EIF2AK1: variants seen among roughly 807,000 people sequenced by gnomAD.
The protein encoded by EIF2AK1 is eukaryotic translation initiation factor 2 alpha kinase 1, also known as eukaryotic translation initiation factor 2-alpha kinase 1.
In EIF2AK1, 54 loss-of-function variants were observed where a neutral mutation model predicts 77.9. The observed-to-expected ratio is 0.69, with a 90% CI of 0.56 to 0.87. The LOEUF is 0.87. EIF2AK1 is among the 40% of genes least tolerant of loss of function. The pLI is 0.00. For synonymous variants in EIF2AK1, 314 were observed against 290.5 expected, an observed-to-expected ratio of 1.08 and a Z score of -0.82; for missense variants, 810 against 768.6, an observed-to-expected ratio of 1.05 and a Z score of -0.64.
At chr7:6,028,809 T>C in intron 12 of EIF2AK1, 109 bp downstream of exon 12, 2 of 1,402,692 alleles carry the variant, frequency 1.4e-6, no homozygotes, top group Non-Finnish European at 2.0e-6. Context: ...TTGCTTTGTA[T>C]CTTTATCTTA....
chr7:6,033,805 G>A lies in EIF2AK1; in HGVS notation c.1332+3619C>T, dbSNP rs563869859. On this transcript the variant is annotated intron_variant, in intron 11 of 14. Transcript: ENST00000199389. The surrounding 1 kb of genome is among the most constrained non-coding windows in gnomAD (Gnocchi z 4.4). ...AGGATAGTCTCAATCTCCTGACCTC[G>A]TGATCCGTCCACCTCAGCCTCCCAA... 4.9e-4 allele frequency among the ~76,000 whole-genome samples: 75 copies of A among 151,792 alleles called. No homozygotes were observed. Among genetic ancestry groups the A allele is most frequent in the African/African-American group, 1.3e-3 (52 of 41,434 alleles).
At chr7:6,042,733 G>C (rs1343864169) in intron 8 of EIF2AK1, among the ~76,000 whole-genome samples, 200 bp downstream of exon 8, 1 of 152,094 alleles carries the variant, frequency 6.6e-6, no homozygotes. Flanking sequence ...GGGTGTGGTG[G>C]CGGGCACCTA....
chr7:6,037,385 G>T, intron 11 of EIF2AK1, 39 bp downstream of exon 11: 2 of 1,352,654 alleles, frequency 1.5e-6, no homozygotes, highest in Non-Finnish European at 1.1e-6. Context: ...CTGATACAAA[G>T]CTCCCACTGC....
intron 5 of EIF2AK1, chr7:6,046,380 C>T: frequency 3.5e-6 from 1 of 289,490 alleles, no homozygotes; most frequent in Non-Finnish European, 6.3e-6. Flanking sequence ...GGAATGTTAG[C>T]AAAAGGTGTA....
In EIF2AK1 at chr7:6,054,688, T is replaced by C; in HGVS notation, c.135A>G (p.Ala45=). The C allele has an allele frequency of 6.2e-7, 1 of 1,613,830 alleles. No homozygotes were observed. Among genetic ancestry groups the C allele is most frequent in the Non-Finnish European group, 8.5e-7 (1 of 1,179,892 alleles). ...DPEYDESDVP[A]EIQVLKEPLQ... ...GGGGTTCTTTTAACACCTGGATTTC[T>C]GCTGGAACATCAGATTCTAAAAATT... is the stretch of plus-strand genomic sequence containing the variant. The change falls in exon 2 of 15, where the codon GCA becomes GCG. Residue 45 remains alanine, a synonymous_variant. Coordinates refer to ENST00000199389, the MANE Select transcript of EIF2AK1 (RefSeq NM_014413.4).
At position 6,024,773 on chromosome 7, in the gene EIF2AK1, A is replaced by G. The variant is rs778254856; in HGVS notation, c.1793T>C (p.Ile598Thr). ...NVNLTLQMKI[I>T]EQEKEIAELK... ...TTCTGCAATTTCTTTTTCTTGCTCTATTATCTTCATCTGTAGGGTGAGGTT... is the reference window on the plus strand; with the variant it reads ...TTCTGCAATTTCTTTTTCTTGCTCTGTTATCTTCATCTGTAGGGTGAGGTT... The change falls in exon 15 of 15, where the codon ATA becomes ACA. Residue 598 changes from isoleucine (I) to threonine (T), a missense_variant. This residue lies in a region of EIF2AK1 where 549 missense variants were observed against 533.7 expected (regional missense o/e 1.03). Transcript: ENST00000199389. The G allele has an allele frequency of 3.2e-6, 5 of 1,578,504 alleles. No homozygotes were observed. In the African/African-American group the frequency reaches 4.2e-5, roughly 13 times the overall value.
intron 11 of EIF2AK1, among the ~76,000 whole-genome samples, chr7:6,031,162 A>G (rs1787898827): frequency 6.6e-6 from 1 of 152,214 alleles, no homozygotes; most frequent in Non-Finnish European, 1.5e-5. Flanking sequence ...TTTATGATAG[A>G]GTAGAAAACC....
At chr7:6,029,581 A>G (rs1413068644) in intron 11 of EIF2AK1, among the ~76,000 whole-genome samples, 1 of 152,182 alleles carries the variant, frequency 6.6e-6, no homozygotes, top group East Asian at 1.9e-4. Context: ...AGTATTATTA[A>G]AAGTCCCAAG....
Position 6,037,540 on chromosome 7 carries a change from A to G in EIF2AK1, c.1232-16T>C, listed in dbSNP as rs140793576. On this transcript the variant is annotated splice_polypyrimidine_tract_variant and intron_variant, in intron 10 of 14. Transcript: ENST00000199389. ...ACATAAGGACCTTGAAGTAAAAAAA[A>G]ATAGTTTTATTTCTCTAATTTTTTT... 703 of 1,533,394 alleles carry G rather than the reference A, an allele frequency of 4.6e-4. 13 individuals are homozygous for G. In the East Asian group the frequency reaches 0.016, roughly 34 times the overall value. The allele number at this position is 1,533,394 out of a possible 1,614,324, so 95.0% of individuals were successfully genotyped here.
chr7:6,026,776 T>C lies in EIF2AK1; in HGVS notation c.1716A>G (p.Pro572=). Residue 572 remains proline (P), a synonymous_variant, in exon 14 of 15, where the codon CCA becomes CCG. Transcript: ENST00000199389. ...HLTRRNSSQR[P]SAIQLLQSEL... is the part of the protein sequence containing the mutation. Reference sequence around the variant, plus strand: ...CACTCTGCAGCAGCTGAATGGCAGATGGTCTCTGCGATGAGTTCCTTCTCG... The same window carrying C: ...CACTCTGCAGCAGCTGAATGGCAGACGGTCTCTGCGATGAGTTCCTTCTCG... The C allele has an allele frequency of 6.2e-7, 1 of 1,614,194 alleles. No individual in the cohort carries two copies. Among genetic ancestry groups the C allele is most frequent in the East Asian group, 2.2e-5 (1 of 44,882 alleles).
intron 14 of EIF2AK1, among the ~76,000 whole-genome samples, 184 bp from the exon 15 acceptor site, chr7:6,024,985 C>CTAG (rs1358495651): frequency 4.0e-5 from 6 of 151,744 alleles, no homozygotes; most frequent in African/African-American, 1.5e-4. Flanking sequence ...ATTACAGGCG[C>CTAG]TCTCATACAA....
intron 2 of EIF2AK1, among the ~76,000 whole-genome samples, chr7:6,054,322 G>C (rs1310103828): frequency 1.3e-5 from 2 of 152,070 alleles, no homozygotes; most frequent in African/African-American, 4.8e-5. Context: ...CTCCGCCTCA[G>C]CCTCCCGAGT....
At chr7:6,026,600 C>T (rs1230532678) in intron 14 of EIF2AK1, 128 bp downstream of exon 14, 4 of 770,804 alleles carry the variant, frequency 5.2e-6, no homozygotes, top group South Asian at 4.4e-5. Flanking sequence ...AAACAGGCCC[C>T]GCCTCCAGAA....
In EIF2AK1 at chr7:6,028,377, G is replaced by C. The variant is rs374568659; in HGVS notation, c.1530+238C>G. The stretch of plus-strand genomic sequence containing the variant: ...AATGATTCTCATGCCTCAGCCTCCA[G>C]AGTAGCTGGGACTACAGGCATGTGC... On this transcript the variant is annotated intron_variant, in intron 13 of 14. Coordinates refer to ENST00000199389, the MANE Select transcript of EIF2AK1 (RefSeq NM_014413.4). 2.0e-5 allele frequency among the ~76,000 whole-genome samples: 3 copies of C among 152,116 alleles called. No homozygotes were observed. In the East Asian group the frequency reaches 5.8e-4, roughly 29 times the overall value.
chr7:6,044,281 G>A (rs1788383180), intron 7 of EIF2AK1, among the ~76,000 whole-genome samples: 1 of 151,544 alleles, frequency 6.6e-6, no homozygotes, highest in Non-Finnish European at 1.5e-5. Context: ...TGGCTAACAC[G>A]GTGAAACCCT....
At chr7:6,044,082 G>A (rs1788374831) in intron 7 of EIF2AK1, among the ~76,000 whole-genome samples, 1 of 151,788 alleles carries the variant, frequency 6.6e-6, no homozygotes, top group South Asian at 2.1e-4. Context: ...CTGGGTGACA[G>A]AGCGAGACTC....
Position 6,035,349 on chromosome 7 carries a change from C to T in EIF2AK1, c.1332+2075G>A. 2 of 1,220,354 alleles carry T rather than the reference C, an allele frequency of 1.6e-6. No individual in the cohort carries two copies. Among genetic ancestry groups the T allele is most frequent in the South Asian group, 1.5e-5 (1 of 65,774 alleles). The allele number at this position is 1,220,354 out of a possible 1,614,324, so 75.6% of individuals were successfully genotyped here. A position where few individuals can be genotyped will look rare whatever the true frequency, so the allele number is the denominator to read the frequency against. ...TCCTTAAGGTAATTGAAGGGTCTTA[C>T]TTTAAATAAATACTGGCTTCTTAAG... is the stretch of plus-strand genomic sequence containing the variant. On this transcript the variant is annotated intron_variant, in intron 11 of 14. Coordinates refer to ENST00000199389, the MANE Select transcript of EIF2AK1 (RefSeq NM_014413.4). The surrounding 1 kb of genome is among the most constrained non-coding windows in gnomAD (Gnocchi z 5.5).
At chr7:6,047,997 G>C (rs1437019653) in intron 4 of EIF2AK1, 1 of 152,212 alleles carries the variant, frequency 6.6e-6, no homozygotes, top group Non-Finnish European at 1.5e-5. Flanking sequence ...AAGTAGCTGG[G>C]ACTGGGTATG....
In EIF2AK1 at chr7:6,041,218, C is replaced by A; in HGVS notation, c.793G>T (p.Glu265Ter). 5 of 1,523,560 alleles carry A rather than the reference C, an allele frequency of 3.3e-6. No homozygotes were observed. The highest frequency in any genetic ancestry group is 4.4e-6 in the Non-Finnish European group (5 of 1,146,532). 94.4% of individuals were successfully genotyped at this position (1,523,560 alleles called of 1,614,324 possible). Residue 265 changes from glutamate to a stop codon, truncating the protein, a stop_gained and splice_region_variant, in exon 9 of 15, where the codon GAG becomes TAG. Transcript: ENST00000199389. LOFTEE classifies it high-confidence loss of function. ...TCATCATTTTTAACACCACATTGCTCTCTGAAAAAAAAAAAAATAGTAAAC... is the reference window on the plus strand; with the variant it reads ...TCATCATTTTTAACACCACATTGCTATCTGAAAAAAAAAAAAATAGTAAAC... ...EVLSDQEEDR[E>*]QCGVKNDESS...
Sources: allele counts gnomAD v4.1 joint callset (sites outside exome capture counted in the v4.1 genomes callset), GRCh38; gene constraint gnomAD v4.1.1; regional missense constraint gnomAD v4.1.1; non-coding constraint Gnocchi (gnomAD v3.1); transcripts MANE v1.5; gene names NCBI Gene and HGNC (gene_info 2026-07-23, HGNC 2026-07-21).